Variants in KDM6A observed in about 807,000 individuals in gnomAD.
KDM6A encodes the protein lysine demethylase 6A.
KDM6A carries 11 observed loss-of-function variants against 117.6 expected under a neutral mutation model. The ratio of observed to expected loss-of-function variants is 0.09; its 90% CI spans 0.06 to 0.15. The LOEUF (loss-of-function observed/expected upper bound fraction) is 0.15. KDM6A is among the 10% of genes least tolerant of loss of function. The probability of loss-of-function intolerance (pLI) is 1.00; values close to 1 mark genes in which losing one functional copy is unlikely to be tolerated. For missense variants in KDM6A, 799 were observed against 1,077.3 expected, an observed-to-expected ratio of 0.74 and a Z score of 3.62; for synonymous variants, 384 against 396.1, an observed-to-expected ratio of 0.97 and a Z score of 0.36.
chrX:44,946,893 G>T (rs986726474), intron 2 of KDM6A, among the ~76,000 whole-genome samples: 1 of 111,443 alleles, frequency 9.0e-6, no homozygotes, highest in Non-Finnish European at 1.9e-5. Context: ...CAGCTCTCTT[G>T]ATTTCTGTAT....
chrX:45,078,004 G>A (rs1281635370), intron 19 of KDM6A, among the ~76,000 whole-genome samples: 1 of 112,003 alleles, frequency 8.9e-6, no homozygotes, highest in Non-Finnish European at 1.9e-5. Flanking sequence ...GATACCTCAT[G>A]TAAGTGGAAC....
At chrX:45,105,711 G>A (rs1168281493) in intron 27 of KDM6A, among the ~76,000 whole-genome samples, 1 of 112,126 alleles carries the variant, frequency 8.9e-6, no homozygotes, top group African/African-American at 3.2e-5. Flanking sequence ...ATCAATAGCT[G>A]TCCTAACCTT....
In KDM6A at chrX:44,880,807, A is replaced by C. The variant is rs765339733; in HGVS notation, c.225+6820A>C. Among the ~76,000 whole-genome samples the C allele has an allele frequency of 3.8e-3, 100 of 26,325 alleles. 1 individual carries two copies. Among genetic ancestry groups the C allele is most frequent in the African/African-American group, 0.02 (91 of 4,561 alleles). 22.9% of individuals were successfully genotyped at this position (26,325 alleles called of 115,157 possible). A position where few individuals can be genotyped will look rare whatever the true frequency, so the allele number is the denominator to read the frequency against. On this transcript the variant is annotated intron_variant, in intron 2 of 29. Transcript: ENST00000611820. ...TCTCCATCTCAAACAAACAAACAAAAAAAAGTACTCTGATAGTACACCAGA... is the reference window on the plus strand; with the variant it reads ...TCTCCATCTCAAACAAACAAACAAACAAAAGTACTCTGATAGTACACCAGA...
chrX:45,046,601 T>G (rs2043548262), intron 8 of KDM6A, among the ~76,000 whole-genome samples: 1 of 111,953 alleles, frequency 8.9e-6, no homozygotes, highest in Admixed American at 9.5e-5. Flanking sequence ...TTTAGAGAGA[T>G]ACTGTGACTC....
At chrX:45,005,892 A>G (rs1227654169) in intron 4 of KDM6A, among the ~76,000 whole-genome samples, 4 of 104,025 alleles carry the variant, frequency 3.8e-5, no homozygotes, top group Non-Finnish European at 5.9e-5. Context: ...GTCCCCTCCA[A>G]TGGGCATGTC....
intron 6 of KDM6A, among the ~76,000 whole-genome samples, chrX:45,027,336 A>AACACGAACACACAC (rs1556192330): frequency 1.0e-5 from 1 of 98,137 alleles, no homozygotes; most frequent in African/African-American, 3.8e-5. Context: ...CATAGTGTGA[A>AACACGAACACACAC]ACACACACAC....
At chrX:44,972,475 A>G (rs370112275) in intron 3 of KDM6A, among the ~76,000 whole-genome samples, 1 of 111,128 alleles carries the variant, frequency 9.0e-6, no homozygotes, top group African/African-American at 3.3e-5. Context: ...AGCAGGCACG[A>G]ACATAGCTAT....
At chrX:44,960,501 T>A (rs1389180874) in intron 2 of KDM6A, among the ~76,000 whole-genome samples, 1 of 111,716 alleles carries the variant, frequency 9.0e-6, no homozygotes, top group Non-Finnish European at 1.9e-5. Flanking sequence ...TCTTTGAGTG[T>A]TACTAAAATA....
intron 2 of KDM6A, among the ~76,000 whole-genome samples, chrX:44,876,364 C>T (rs2031539628): frequency 9.0e-6 from 1 of 111,667 alleles, no homozygotes; most frequent in Non-Finnish European, 1.9e-5. Context: ...AGCTGGAGTC[C>T]TGCTGTAGGA....
chrX:44,956,294 G>T (rs2038318629), intron 2 of KDM6A, among the ~76,000 whole-genome samples: 1 of 112,051 alleles, frequency 8.9e-6, no homozygotes, highest in South Asian at 3.7e-4. Flanking sequence ...AGACCTTGGT[G>T]AGCTGATTAT....
intron 3 of KDM6A, among the ~76,000 whole-genome samples, chrX:44,964,027 C>T (rs1330668747): frequency 9.0e-6 from 1 of 110,665 alleles, no homozygotes; most frequent in African/African-American, 3.3e-5. Context: ...GGCCTTTTGA[C>T]CTCAAATGTT....
rs192492793 is a variant in KDM6A, at chrX:44,972,703, G to A, written c.335-1963G>A. On this transcript the variant is annotated intron_variant, in intron 3 of 29. Coordinates refer to ENST00000611820, the MANE Select transcript of KDM6A (RefSeq NM_001291415.2). ...TGACCAATATGAACCAGGAAAATCTGGTCAGGAATATGAACAGAGAGAGTG... is the reference window on the plus strand; with the variant it reads ...TGACCAATATGAACCAGGAAAATCTAGTCAGGAATATGAACAGAGAGAGTG... Among the ~76,000 whole-genome samples, 20 of 111,111 alleles carry A rather than the reference G, an allele frequency of 1.8e-4. No homozygotes were observed. The East Asian group carries it at 4.3e-3, about 24-fold the overall frequency.
chrX:45,076,616 G>T (rs2045126878), intron 18 of KDM6A, 81 bp from the exon 19 acceptor site: 1 of 745,118 alleles, frequency 1.3e-6, no homozygotes, highest in Non-Finnish European at 2.0e-6. Flanking sequence ...ATTTAATTAG[G>T]ACTTAATTCA....
chrX:44,877,998 C>A (rs763322231), intron 2 of KDM6A, among the ~76,000 whole-genome samples: 1 of 111,095 alleles, frequency 9.0e-6, no homozygotes, highest in Non-Finnish European at 1.9e-5. Flanking sequence ...CTAGAGGTGG[C>A]TTTTTTAAAT....
At chrX:44,997,260 T>C (rs977749128) in intron 4 of KDM6A, among the ~76,000 whole-genome samples, 1 of 111,841 alleles carries the variant, frequency 8.9e-6, no homozygotes, top group African/African-American at 3.3e-5. Context: ...GGAGAATTAG[T>C]GTAAAGTTTT....
chrX:45,041,183 C>T (rs1450253900), intron 8 of KDM6A, among the ~76,000 whole-genome samples: 1 of 83,380 alleles, frequency 1.2e-5, no homozygotes, highest in South Asian at 6.2e-4. Context: ...GCTGACCCCC[C>T]CCTCCCCCCT....
intron 9 of KDM6A, 128 bp downstream of exon 9, chrX:45,051,930 C>T (rs2043872610): frequency 4.5e-6 from 2 of 445,612 alleles, no homozygotes; most frequent in African/African-American, 2.5e-5. Context: ...TATTCTGAAC[C>T]CAGCATATTT....
chrX:44,978,622 A>G (rs917760348), intron 4 of KDM6A, among the ~76,000 whole-genome samples: 2 of 112,098 alleles, frequency 1.8e-5, no homozygotes, highest in Non-Finnish European at 3.8e-5. Flanking sequence ...ATTTAGCATT[A>G]TTTTAAGCAT....
At chrX:45,108,833 A>G (rs1426657368) in intron 28 of KDM6A, among the ~76,000 whole-genome samples, 1 of 100,493 alleles carries the variant, frequency 1.0e-5, no homozygotes, top group Admixed American at 1.1e-4. Flanking sequence ...CATGGATGAA[A>G]TTGGAAACCA....
Sources: allele counts gnomAD v4.1 joint callset (sites outside exome capture counted in the v4.1 genomes callset), GRCh38; gene constraint gnomAD v4.1.1; transcripts MANE v1.5; gene names NCBI Gene and HGNC (gene_info 2026-07-23, HGNC 2026-07-21).